TSLP: variants seen among roughly 807,000 people sequenced by gnomAD.
TSLP encodes thymic stromal lymphopoietin, also known as thymic stroma-derived lymphopoietin.
Under a neutral mutation model 12.4 loss-of-function variants are expected in TSLP, and 12 were observed. The ratio of observed to expected loss-of-function variants is 0.97; its 90% CI spans 0.62 to 1.57. The LOEUF is 1.57. TSLP is among the 40% of genes most tolerant of loss of function. TSLP has a pLI of 0.00. For missense variants in TSLP, 222 were observed against 189.6 expected (o/e 1.17, Z -1.00); for synonymous variants, 97 against 69.5 (o/e 1.40, Z -1.97).
rs1301631295 is a variant in TSLP at position 111,076,843 on chromosome 5, T to G, written c.*769T>G. ...CTAGTTAGACAATTTGCACACATAC[T>G]TTTCTAAGGGACATTATCTTCCTTC... On this transcript the variant is annotated 3_prime_UTR_variant, in exon 4 of 4. Coordinates refer to ENST00000344895, the MANE Select transcript of TSLP (RefSeq NM_033035.5). The G allele has an allele frequency of 6.6e-6, 1 of 152,346 alleles. No homozygotes were observed. The highest frequency in any genetic ancestry group is 2.1e-4 in the South Asian group (1 of 4,826). The allele number at this position is 152,346 out of a possible 1,614,324, so 9.4% of individuals were successfully genotyped here. A position where few individuals can be genotyped will look rare whatever the true frequency, so the allele number is the denominator to read the frequency against.
rs778357811 is a variant in TSLP at position 111,072,853 on chromosome 5, C to G, written c.172-35C>G. The G allele has an allele frequency of 7.4e-6, 12 of 1,611,502 alleles. No homozygotes were observed. In the East Asian group the frequency reaches 2.0e-4, roughly 27 times the overall value. On this transcript the variant is annotated intron_variant, in intron 1 of 3. Coordinates refer to ENST00000344895, the MANE Select transcript of TSLP (RefSeq NM_033035.5). ...TGATTTTCCTTGTGGACTTAAAAGT[C>G]TTTACCCTCTTTGTCCTATTTTTCT...
chr5:111,073,399 G>A, intron 2 of TSLP, 112 bp from the exon 3 acceptor site: 1 of 1,558,386 alleles, frequency 6.4e-7, no homozygotes, highest in Non-Finnish European at 8.7e-7. Context: ...CTCGACTTGT[G>A]TTCCCCGCTC....
chr5:111,071,625 G>A, upstream of TSLP: 1 of 1,461,692 alleles, frequency 6.8e-7, no homozygotes, highest in Non-Finnish European at 9.1e-7. Context: ...TAAAGGAAGA[G>A]AATGACATGG....
At chr5:111,071,597 C>CATCAATTCAG, upstream of TSLP, 1 of 1,492,862 alleles carries the variant, frequency 6.7e-7, no homozygotes, top group Non-Finnish European at 8.9e-7. Context: ...CCTTTCACAT[C>CATCAATTCAG]ATCAATTCAG....
At position 111,073,181 on chromosome 5, in the gene TSLP, G is replaced by T. The variant is rs905776262; in HGVS notation, c.216+249G>T. The T allele has an allele frequency of 4.2e-6, 4 of 956,050 alleles. No individual in the cohort carries two copies. In the African/African-American group the frequency reaches 5.0e-5, roughly 12 times the overall value. 59.2% of individuals were successfully genotyped at this position (956,050 alleles called of 1,614,324 possible). ...AAATTGGGAACTGGGACGAGGGAAC[G>T]TTGTTAGGGGCACCACCTGCTGGGG... On this transcript the variant is annotated intron_variant, in intron 2 of 3. Transcript: ENST00000344895.
chr5:111,073,230 C>A, intron 2 of TSLP: 1 of 1,353,454 alleles, frequency 7.4e-7, no homozygotes, highest in South Asian at 1.6e-5. Flanking sequence ...CGCTCGGGCT[C>A]GGAATTTTGG....
rs139391725 is a variant in TSLP, at chr5:111,076,051, C to A, written c.457C>A (p.Arg153=). 70 of 1,614,016 alleles carry A rather than the reference C, an allele frequency of 4.3e-5. No homozygotes were observed. The East Asian group carries it at 1.5e-3, about 34-fold the overall frequency. The change falls in exon 4 of 4, where the codon CGA becomes AGA. Residue 153 remains arginine, a synonymous_variant. Transcript: ENST00000344895. ...ACAAGGATTGTGGCGTCGCTTCAATCGACCTTTACTGAAACAACAGTAAAC... is the reference window on the plus strand; with the variant it reads ...ACAAGGATTGTGGCGTCGCTTCAATAGACCTTTACTGAAACAACAGTAAAC... ...QLQGLWRRFN[R]PLLKQQ is the part of the protein sequence containing the mutation.
chr5:111,073,617 T>A lies in TSLP; in HGVS notation c.323T>A (p.Ile108Asn), dbSNP rs370785924. Residue 108 changes from isoleucine (I) to asparagine (N), a missense_variant, in exon 3 of 4, where the codon ATC (isoleucine) becomes AAC (asparagine). Physicochemically the swap from Ile to Asn is moderately radical, Grantham distance 149. Coordinates refer to ENST00000344895, the MANE Select transcript of TSLP (RefSeq NM_033035.5). Reference protein sequence around the residue: ...FAMKTKAALAIWCPGYSETQI... With the variant: ...FAMKTKAALANWCPGYSETQI... The stretch of plus-strand genomic sequence containing the variant: ...ATGAAAACTAAGGCTGCCTTAGCTA[T>A]CTGGTGCCCAGGCTATTCGGAAACT... 1 of 1,614,218 alleles carries A rather than the reference T, an allele frequency of 6.2e-7. No homozygotes were observed. Among genetic ancestry groups the A allele is most frequent in the African/African-American group, 1.3e-5 (1 of 75,064 alleles).
At position 111,077,868 on chromosome 5, in the gene TSLP, C is replaced by T. The variant is rs376672568; in HGVS notation, c.*1794C>T. 6 of 152,596 alleles carry T rather than the reference C, an allele frequency of 3.9e-5. No homozygotes were observed. In the East Asian group the frequency reaches 7.7e-4, roughly 20 times the overall value. The allele number at this position is 152,596 out of a possible 1,614,324, so 9.5% of individuals were successfully genotyped here. A position where few individuals can be genotyped will look rare whatever the true frequency, so the allele number is the denominator to read the frequency against. Reference sequence around the variant, plus strand: ...AAAAGTAATGGGCAAGAGATTGCATCATACTAATTTAGTAAGAACGTTCCC... The same window carrying T: ...AAAAGTAATGGGCAAGAGATTGCATTATACTAATTTAGTAAGAACGTTCCC... On this transcript the variant is annotated 3_prime_UTR_variant, in exon 4 of 4. Transcript: ENST00000344895.
In TSLP at chr5:111,072,006, T is replaced by C; in HGVS notation, c.116T>C (p.Ile39Thr). Residue 39 changes from isoleucine (I) to threonine (T), a missense_variant, in exon 1 of 4, where the codon ATT becomes ACT. Transcript: ENST00000344895. The stretch of plus-strand genomic sequence containing the variant: ...TTCACTAACTGTGACTTTGAGAAGA[T>C]TAAAGCAGCCTATCTCAGTACTATT... ...YDFTNCDFEK[I>T]KAAYLSTISK... 1 of 1,614,248 alleles carries C rather than the reference T, an allele frequency of 6.2e-7. No homozygotes were observed. The highest frequency in any genetic ancestry group is 8.5e-7 in the Non-Finnish European group (1 of 1,180,048).
intron 3 of TSLP, among the ~76,000 whole-genome samples, chr5:111,073,932 T>G (rs1281719674): frequency 6.6e-6 from 1 of 152,198 alleles, no homozygotes; most frequent in East Asian, 1.9e-4. Flanking sequence ...ATGTTTTGAT[T>G]GCTGGAGCAT....
chr5:111,071,761 C>T lies in TSLP; in HGVS notation c.-130C>T. The stretch of plus-strand genomic sequence containing the variant: ...CAACAGCATGGGTGAATAAGGGCTT[C>T]CTGTGGACTGGCAATGAGAGGCAAA... On this transcript the variant is annotated 5_prime_UTR_variant, in exon 1 of 4. Transcript: ENST00000344895. 3 of 1,290,474 alleles carry T rather than the reference C, an allele frequency of 2.3e-6. No homozygotes were observed. In the South Asian group the frequency reaches 4.3e-5, roughly 19 times the overall value. 79.9% of individuals were successfully genotyped at this position (1,290,474 alleles called of 1,614,324 possible).
intron 1 of TSLP, 115 bp downstream of exon 1, chr5:111,072,176 C>T: frequency 1.1e-6 from 1 of 871,024 alleles, no homozygotes; most frequent in Non-Finnish European, 1.7e-6. Context: ...AATCATGGCC[C>T]CACATTTTGT....
At chr5:111,072,119 C>A in intron 1 of TSLP, 58 bp downstream of exon 1, 1 of 1,399,600 alleles carries the variant, frequency 7.1e-7, no homozygotes. Context: ...TCGGCATACA[C>A]ACACTCTACA....
chr5:111,074,627 CTTTT>C (rs35180980), intron 3 of TSLP, among the ~76,000 whole-genome samples: 4 of 110,320 alleles, frequency 3.6e-5, no homozygotes, highest in Admixed American at 1.0e-4. Context: ...ACGACTGTCA[CTTTT>C]TTTTTTTTTT....
At chr5:111,072,140 GT>G in intron 1 of TSLP, 79 bp downstream of exon 1, 3 of 1,232,218 alleles carry the variant, frequency 2.4e-6, no homozygotes, top group Non-Finnish European at 3.3e-6. Context: ...ATTTAACTTT[GT>G]AGGAAAGAAA....
chr5:111,074,214 G>A (rs1234027195), intron 3 of TSLP, among the ~76,000 whole-genome samples: 1 of 152,158 alleles, frequency 6.6e-6, no homozygotes, highest in Non-Finnish European at 1.5e-5. Flanking sequence ...ATCTGCATTT[G>A]AATGCTCGTG....
At chr5:111,072,297 C>T (rs1458090669) in intron 1 of TSLP, among the ~76,000 whole-genome samples, 1 of 152,026 alleles carries the variant, frequency 6.6e-6, no homozygotes, top group Non-Finnish European at 1.5e-5. Flanking sequence ...ATAGACAGCG[C>T]GTTATGCGTC....
chr5:111,075,918 T>G (rs1323588925), intron 3 of TSLP, 28 bp from the exon 4 acceptor site: 1 of 1,604,784 alleles, frequency 6.2e-7, no homozygotes, highest in Non-Finnish European at 8.5e-7. Flanking sequence ...GAAAAGTAAT[T>G]TTGACTATTG....
Sources: gnomAD v4.1 joint callset for allele counts (sites outside exome capture counted in the v4.1 genomes callset) on GRCh38, gnomAD v4.1.1 for gene constraint, MANE v1.5 for transcripts, NCBI Gene and HGNC (gene_info 2026-07-23, HGNC 2026-07-21) for gene names.